TNR: variants seen among roughly 807,000 people sequenced by gnomAD.
TNR encodes tenascin R.
TNR carries 45 observed loss-of-function variants against 150.4 expected under a neutral mutation model. That is an observed-to-expected ratio of 0.30 (90% CI 0.24 to 0.38). The LOEUF is 0.38. Among genes scored for constraint, TNR ranks in the 10% least tolerant of loss-of-function variants. The probability of loss-of-function intolerance (pLI) is 1.00; values close to 1 mark genes in which losing one functional copy is unlikely to be tolerated. For missense variants in TNR, 1,544 were observed against 1,759.1 expected (o/e 0.88, Z 2.19); for synonymous variants, 687 against 678.4 (o/e 1.01, Z -0.20).
chr1:175,578,239 A>T (rs1305021454), intron 1 of TNR, among the ~76,000 whole-genome samples: 1 of 151,878 alleles, frequency 6.6e-6, no homozygotes, highest in African/African-American at 2.4e-5. Context: ...GGGAAACTGG[A>T]TGCATTCAGG....
chr1:175,631,506 G>T lies in TNR; in HGVS notation c.-164-103137C>A, dbSNP rs145007978. On this transcript the variant is annotated intron_variant, in intron 1 of 22. Coordinates refer to ENST00000367674, the MANE Select transcript of TNR (RefSeq NM_003285.3). ...TTGGTGATTTTTTTTTAGCTCACCA[G>T]CTGTTATTAGTGTTAGTGTATTTTA... Among the ~76,000 whole-genome samples, 121 of 152,178 alleles carry T rather than the reference G, an allele frequency of 8.0e-4. 1 individual carries two copies. The highest frequency in any genetic ancestry group is 2.7e-3 in the African/African-American group (112 of 41,514).
intron 1 of TNR, among the ~76,000 whole-genome samples, chr1:175,735,242 C>T (rs769305590): frequency 3.3e-5 from 5 of 152,264 alleles, no homozygotes; most frequent in East Asian, 1.9e-4. Context: ...CCAGCCCTGG[C>T]GCTGCCCTCT....
chr1:175,613,150 A>G (rs1455958606), intron 1 of TNR, among the ~76,000 whole-genome samples: 2 of 152,176 alleles, frequency 1.3e-5, no homozygotes, highest in African/African-American at 4.8e-5. Context: ...TCCTCTGGGT[A>G]TTCTGTAAGC....
At chr1:175,741,797 A>G (rs558699751) in intron 1 of TNR, among the ~76,000 whole-genome samples, 12 of 152,314 alleles carry the variant, frequency 7.9e-5, no homozygotes, top group African/African-American at 2.9e-4. Context: ...GAAGGGGCCC[A>G]TTGTGCTGAA....
At chr1:175,732,122 T>A (rs1044813135) in intron 1 of TNR, among the ~76,000 whole-genome samples, 1 of 152,214 alleles carries the variant, frequency 6.6e-6, no homozygotes, top group Non-Finnish European at 1.5e-5. Context: ...CCATTAGGGT[T>A]CAATTTATGG....
chr1:175,355,514 C>A lies in TNR; in HGVS notation c.3238G>T (p.Gly1080Ter). 3 of 1,613,892 alleles carry A rather than the reference C, an allele frequency of 1.9e-6. No individual in the cohort carries two copies. The highest frequency in any genetic ancestry group is 2.5e-6 in the Non-Finnish European group (3 of 1,179,864). Residue 1080 changes from glycine to a stop codon, truncating the protein, a stop_gained, in exon 17 of 23, where the codon GGA (glycine) becomes TGA (stop). Transcript: ENST00000367674. LOFTEE classifies it high-confidence loss of function. ...CAGCAAAATCTCACCTTGCGGCTTC[C>A]ATCGGTGGATTTGTAGGTCAAGACA... ...NYVLTYKSTD[G>*]SRKELIVDAE...
At chr1:175,509,965 A>G (rs1186150869) in intron 2 of TNR, among the ~76,000 whole-genome samples, 1 of 152,174 alleles carries the variant, frequency 6.6e-6, no homozygotes, top group Non-Finnish European at 1.5e-5. Flanking sequence ...GCTCACACTC[A>G]TCTGTAATCC....
At chr1:175,384,880 T>A (rs531891478) in intron 8 of TNR, among the ~76,000 whole-genome samples, 1 of 152,344 alleles carries the variant, frequency 6.6e-6, no homozygotes, top group African/African-American at 2.4e-5. Flanking sequence ...TCCATCTGTT[T>A]CACTTTTTCC....
At chr1:175,390,702 A>G (rs1284438168) in intron 7 of TNR, among the ~76,000 whole-genome samples, 1 of 152,228 alleles carries the variant, frequency 6.6e-6, no homozygotes, top group Non-Finnish European at 1.5e-5. Flanking sequence ...TTATTTTTGA[A>G]TGACTTGTTT....
rs112059746 is a variant in TNR at position 175,356,417 on chromosome 1, C to T, written c.3020G>A (p.Arg1007Gln). The change falls in exon 16 of 23, where the codon CGG becomes CAG. Residue 1007 changes from arginine to glutamine, a missense_variant. By Grantham distance (43) the Arg-to-Gln change is conservative. This residue lies in a region of TNR where 1,254 missense variants were observed against 1,329.4 expected (regional missense o/e 0.94). Transcript: ENST00000367674. Reference sequence around the variant, plus strand: ...GGTGCTAGGAAGCAGGTCAACAAGCCGAAATTCCTCACTGACTCCGTCAAC... The same window carrying T: ...GGTGCTAGGAAGCAGGTCAACAAGCTGAAATTCCTCACTGACTCCGTCAAC... Reference protein sequence around the residue: ...ILVDGVSEEFRLVDLLPSTHY... With the variant: ...ILVDGVSEEFQLVDLLPSTHY... The T allele has an allele frequency of 2.3e-4, 370 of 1,613,836 alleles. No homozygotes were observed. In the African/African-American group the frequency reaches 4.1e-3, roughly 18 times the overall value.
At chr1:175,462,162 C>T (rs1175466853) in intron 2 of TNR, among the ~76,000 whole-genome samples, 1 of 152,288 alleles carries the variant, frequency 6.6e-6, no homozygotes, top group African/African-American at 2.4e-5. Flanking sequence ...ACTTCTAGTC[C>T]TTTTGGGGTT....
chr1:175,692,895 C>G (rs975330287), intron 1 of TNR, among the ~76,000 whole-genome samples: 1 of 152,152 alleles, frequency 6.6e-6, no homozygotes, highest in Non-Finnish European at 1.5e-5. Context: ...TAGGGAGAAC[C>G]ATATCAGTCC....
intron 20 of TNR, among the ~76,000 whole-genome samples, chr1:175,330,747 C>T (rs529966997): frequency 1.3e-5 from 2 of 152,338 alleles, no homozygotes; most frequent in South Asian, 2.1e-4. Flanking sequence ...TGCCTTCAGC[C>T]TAGGCTTCCT....
intron 2 of TNR, among the ~76,000 whole-genome samples, chr1:175,407,079 C>A (rs548314574): frequency 4.6e-5 from 7 of 152,174 alleles, no homozygotes; most frequent in Non-Finnish European, 8.8e-5. Context: ...GGGCTGGGGG[C>A]TGGGGCCCTG....
intron 1 of TNR, among the ~76,000 whole-genome samples, chr1:175,641,213 G>A (rs567778563): frequency 3.7e-4 from 56 of 152,130 alleles, no homozygotes; most frequent in East Asian, 1.9e-3. Flanking sequence ...ATACCCTGGG[G>A]TCATACATAC....
chr1:175,496,771 A>G (rs2102145042), intron 2 of TNR, among the ~76,000 whole-genome samples: 1 of 152,350 alleles, frequency 6.6e-6, no homozygotes, highest in Non-Finnish European at 1.5e-5. Context: ...TCTGTGTTTT[A>G]TAGACATCTG....
chr1:175,469,648 G>A (rs1264481508), intron 2 of TNR, among the ~76,000 whole-genome samples: 1 of 152,000 alleles, frequency 6.6e-6, no homozygotes, highest in Non-Finnish European at 1.5e-5. Context: ...CGGGGAGGAG[G>A]AGATGAGAGA....
intron 14 of TNR, among the ~76,000 whole-genome samples, chr1:175,360,526 C>A (rs73038146): frequency 6.6e-6 from 1 of 152,326 alleles, no homozygotes; most frequent in African/African-American, 2.4e-5. Flanking sequence ...TGCTTCTCTT[C>A]CATCAGGTTA....
intron 6 of TNR, among the ~76,000 whole-genome samples, chr1:175,393,402 T>C (rs754292068): frequency 2.0e-5 from 3 of 152,216 alleles, no homozygotes; most frequent in Non-Finnish European, 2.9e-5. Context: ...GATTATGTGA[T>C]GGATTCAGCC....
Sources: gnomAD v4.1 joint callset for allele counts (sites outside exome capture counted in the v4.1 genomes callset) on GRCh38, gnomAD v4.1.1 for gene constraint, gnomAD v4.1.1 regional missense constraint, MANE v1.5 for transcripts, NCBI Gene and HGNC (gene_info 2026-07-23, HGNC 2026-07-21) for gene names.